DLG2: variants seen among roughly 807,000 people sequenced by gnomAD.
DLG2 encodes discs large MAGUK scaffold protein 2, also known as disks large homolog 2.
A neutral mutation model predicts 132.5 loss-of-function variants in DLG2; 45 were observed. The ratio of observed to expected loss-of-function variants is 0.34; its 90% CI spans 0.27 to 0.44. The LOEUF is 0.44. DLG2 is among the 20% of genes least tolerant of loss of function. The pLI is 1.00. For missense variants in DLG2, 1,045 were observed against 1,196.9 expected (o/e 0.87, Z 1.87); for synonymous variants, 424 against 419.6 (o/e 1.01, Z -0.13).
In DLG2 at chr11:85,138,865, T is replaced by C. The variant is rs199710655; in HGVS notation, c.282+15691A>G. On this transcript the variant is annotated intron_variant, in intron 5 of 27. Transcript: ENST00000376104. Reference sequence around the variant, plus strand: ...TTCTTTCCAGTCTCGGGTATGTCTTTATAAGCAGCCTGAAAACGAACTAAT... The same window carrying C: ...TTCTTTCCAGTCTCGGGTATGTCTTCATAAGCAGCCTGAAAACGAACTAAT... 5.9e-5 allele frequency among the ~76,000 whole-genome samples: 9 copies of C among 151,294 alleles called. No individual in the cohort carries two copies. The East Asian group carries it at 1.6e-3, about 26-fold the overall frequency.
At chr11:85,072,948 T>C (rs2066070615) in intron 6 of DLG2, among the ~76,000 whole-genome samples, 1 of 151,784 alleles carries the variant, frequency 6.6e-6, no homozygotes, top group Non-Finnish European at 1.5e-5. Flanking sequence ...AACAACCTAA[T>C]GCATTCAAAA....
chr11:85,170,655 C>A (rs969055), intron 4 of DLG2, among the ~76,000 whole-genome samples: 2,010 of 152,226 alleles, frequency 0.013, 20 homozygotes, highest in Non-Finnish European at 0.021. Flanking sequence ...AGGTTGGCAA[C>A]TATCTGAGGC....
intron 18 of DLG2, among the ~76,000 whole-genome samples, chr11:83,776,620 C>T (rs1357694080): frequency 1.3e-5 from 2 of 152,194 alleles, no homozygotes; most frequent in African/African-American, 4.8e-5. Flanking sequence ...AGAAATAACA[C>T]AGTCCTGTGT....
At chr11:84,918,357 G>A (rs1283849658) in intron 6 of DLG2, among the ~76,000 whole-genome samples, 1 of 152,024 alleles carries the variant, frequency 6.6e-6, no homozygotes, top group Non-Finnish European at 1.5e-5. Flanking sequence ...CTAAGTCAAA[G>A]GAGAGATAAA....
chr11:85,101,843 A>G lies in DLG2; in HGVS notation c.357+9818T>C, dbSNP rs559383690. Among the ~76,000 whole-genome samples, 4 of 152,246 alleles carry G rather than the reference A, an allele frequency of 2.6e-5. No homozygotes were observed. In the East Asian group the frequency reaches 7.7e-4, roughly 29 times the overall value. ...AGCAACCCCTTAAAGAAAGCCCATT[A>G]TTAAAATTCCTTCAGTTCTGAATGG... On this transcript the variant is annotated intron_variant, in intron 6 of 27. Transcript: ENST00000376104.
At chr11:85,432,284 A>G (rs1401284415) in intron 3 of DLG2, among the ~76,000 whole-genome samples, 1 of 152,104 alleles carries the variant, frequency 6.6e-6, no homozygotes, top group Admixed American at 6.5e-5. Flanking sequence ...AATGATTACA[A>G]CACCTCTCCA....
At position 84,527,074 on chromosome 11, in the gene DLG2, G is replaced by A. The variant is rs576960132; in HGVS notation, c.519+7496C>T. ...ATTACAGGCGTGAGCCACCGCTCCC[G>A]GCCCCACTGGGGGTCTTAAAATGCA... is the stretch of plus-strand genomic sequence containing the variant. On this transcript the variant is annotated intron_variant, in intron 7 of 27. Coordinates refer to ENST00000376104, the MANE Select transcript of DLG2 (RefSeq NM_001142699.3). 2.2e-4 allele frequency among the ~76,000 whole-genome samples: 33 copies of A among 152,238 alleles called. 1 individual carries two copies. Among genetic ancestry groups the A allele is most frequent in the African/African-American group, 7.7e-4 (32 of 41,556 alleles).
At chr11:84,796,915 C>G (rs529924648) in intron 6 of DLG2, among the ~76,000 whole-genome samples, 2 of 151,696 alleles carry the variant, frequency 1.3e-5, no homozygotes, top group Admixed American at 1.3e-4. Context: ...GGTGCAATTT[C>G]GGCTCACTGC....
intron 4 of DLG2, among the ~76,000 whole-genome samples, chr11:85,206,504 A>ATACC (rs2081902003): frequency 6.6e-6 from 1 of 152,172 alleles, no homozygotes; most frequent in Non-Finnish European, 1.5e-5. Context: ...TCTTTGATAT[A>ATACC]ATGAATATGA....
intron 6 of DLG2, chr11:84,545,094 T>C: frequency 2.2e-6 from 1 of 452,222 alleles, no homozygotes; most frequent in Non-Finnish European, 4.4e-6. Context: ...CCCTGTCACT[T>C]CTCTCTCTCA....
At chr11:83,816,098 A>G (rs978973223) in intron 17 of DLG2, among the ~76,000 whole-genome samples, 1 of 152,098 alleles carries the variant, frequency 6.6e-6, no homozygotes, top group Admixed American at 6.5e-5. Flanking sequence ...CCTTAATCCT[A>G]TTCTGTGGCT....
intron 7 of DLG2, among the ~76,000 whole-genome samples, chr11:84,509,326 T>C (rs2099250893): frequency 6.6e-6 from 1 of 152,218 alleles, no homozygotes; most frequent in Non-Finnish European, 1.5e-5. Context: ...TCAAGGAAAT[T>C]ACAATCCTCA....
At chr11:84,758,741 T>C (rs1294531961) in intron 6 of DLG2, among the ~76,000 whole-genome samples, 1 of 152,208 alleles carries the variant, frequency 6.6e-6, no homozygotes, top group African/African-American at 2.4e-5. Flanking sequence ...GAAGAACATA[T>C]TAACATTTCA....
At chr11:84,203,132 T>TA (rs35182956) in intron 8 of DLG2, among the ~76,000 whole-genome samples, 117,220 of 151,986 alleles carry the variant, frequency 0.77, 47,448 homozygotes, top group Middle Eastern at 0.93. Context: ...AAAAGAAATA[T>TA]AAAAAATTCT....
chr11:84,551,661 C>T (rs551507444), intron 6 of DLG2, among the ~76,000 whole-genome samples: 1 of 152,214 alleles, frequency 6.6e-6, no homozygotes, highest in East Asian at 1.9e-4. Context: ...AGATTTATAC[C>T]TCATTATCCT....
At chr11:84,508,400 C>CTTTTTTTTTTTTTTTT (rs371285075) in intron 7 of DLG2, among the ~76,000 whole-genome samples, 1 of 141,086 alleles carries the variant, frequency 7.1e-6, no homozygotes. Context: ...CTTTCTTTAC[C>CTTTTTTTTTTTTTTTT]TTTTTTTTTT....
At chr11:84,010,657 C>T (rs1443142536) in intron 11 of DLG2, among the ~76,000 whole-genome samples, 1 of 151,946 alleles carries the variant, frequency 6.6e-6, no homozygotes, top group African/African-American at 2.4e-5. Flanking sequence ...GTCCTAGCTC[C>T]TTTCTCAAAT....
intron 9 of DLG2, among the ~76,000 whole-genome samples, chr11:84,148,410 T>C (rs755867437): frequency 4.6e-5 from 7 of 152,114 alleles, no homozygotes; most frequent in Non-Finnish European, 8.8e-5. Context: ...CAGTTATCTA[T>C]TGTTCCCATG....
chr11:84,463,617 T>C (rs998157315), intron 7 of DLG2, among the ~76,000 whole-genome samples: 7 of 151,174 alleles, frequency 4.6e-5, no homozygotes, highest in Non-Finnish European at 8.9e-5. Flanking sequence ...CATTGTACTT[T>C]AATTACCTGA....
Sources: gnomAD v4.1 joint callset for allele counts (sites outside exome capture counted in the v4.1 genomes callset) on GRCh38, gnomAD v4.1.1 for gene constraint, MANE v1.5 for transcripts, NCBI Gene and HGNC (gene_info 2026-07-23, HGNC 2026-07-21) for gene names.